Variants in CSMD2 observed in about 807,000 individuals in gnomAD.
CSMD2 encodes CUB and sushi domain-containing protein 2.
CSMD2 carries 130 observed loss-of-function variants against 398.5 expected under a neutral mutation model. The ratio of observed to expected loss-of-function variants is 0.33; its 90% CI spans 0.28 to 0.38. The LOEUF is 0.38. CSMD2 is among the 10% of genes least tolerant of loss of function. CSMD2 has a pLI of 1.00. For missense variants in CSMD2, 3,829 were observed against 4,764.9 expected (o/e 0.80, Z 5.78); for synonymous variants, 1,828 against 1,908.5 (o/e 0.96, Z 1.10).
intron 5 of CSMD2, chr1:33,878,169 G>T (rs1442131961): frequency 6.6e-6 from 1 of 152,232 alleles, no homozygotes; most frequent in Non-Finnish European, 1.5e-5. Flanking sequence ...TGATTCCTAA[G>T]CCAGGAGCCA....
chr1:33,750,190 T>C (rs969086143), intron 13 of CSMD2, among the ~76,000 whole-genome samples: 1 of 152,128 alleles, frequency 6.6e-6, no homozygotes, highest in African/African-American at 2.4e-5. Flanking sequence ...ATGGTACAAA[T>C]TTAACACAAT....
intron 2 of CSMD2, among the ~76,000 whole-genome samples, chr1:34,045,170 T>G (rs1041305193): frequency 3.3e-5 from 5 of 152,264 alleles, no homozygotes; most frequent in African/African-American, 9.6e-5. Flanking sequence ...AGGCTTTTTG[T>G]GCCTTTCTAT....
intron 62 of CSMD2, among the ~76,000 whole-genome samples, chr1:33,534,785 T>C (rs1447033861): frequency 1.2e-4 from 18 of 152,216 alleles, no homozygotes; most frequent in Non-Finnish European, 1.5e-4. Flanking sequence ...CCTTTATCCA[T>C]GCAGTTGTGC....
intron 5 of CSMD2, among the ~76,000 whole-genome samples, chr1:33,866,091 C>T (rs540188563): frequency 1.1e-4 from 16 of 152,340 alleles, no homozygotes; most frequent in African/African-American, 3.6e-4. Context: ...ACTTTCTACT[C>T]TACTGCGCTG....
At chr1:33,547,874 C>T (rs893871094) in intron 56 of CSMD2, among the ~76,000 whole-genome samples, 5 of 152,172 alleles carry the variant, frequency 3.3e-5, no homozygotes, top group African/African-American at 7.2e-5. Flanking sequence ...AGATGGTTAA[C>T]GTGGTTTGGC....
intron 22 of CSMD2, among the ~76,000 whole-genome samples, chr1:33,704,866 C>A (rs982226188): frequency 2.0e-5 from 3 of 152,026 alleles, no homozygotes; most frequent in African/African-American, 7.2e-5. Context: ...AGGTTCACGC[C>A]ATTCTCCTGC....
At chr1:33,727,341 G>A (rs1172248961) in intron 15 of CSMD2, among the ~76,000 whole-genome samples, 1 of 152,192 alleles carries the variant, frequency 6.6e-6, no homozygotes, top group East Asian at 1.9e-4. Flanking sequence ...CTCTGGTCTT[G>A]CAAAGTCTGT....
chr1:33,546,858 C>T (rs1231523116), intron 56 of CSMD2, among the ~76,000 whole-genome samples: 2 of 151,834 alleles, frequency 1.3e-5, no homozygotes, highest in Non-Finnish European at 2.9e-5. Context: ...TGATCTTGGG[C>T]ATTTATTTAT....
intron 2 of CSMD2, among the ~76,000 whole-genome samples, chr1:34,051,935 TG>T (rs1653217163): frequency 2.0e-5 from 3 of 152,094 alleles, no homozygotes; most frequent in Non-Finnish European, 2.9e-5. Context: ...CCCTCACTAA[TG>T]GGGGTGGGGG....
Position 33,620,175 on chromosome 1 carries a change from T to G in CSMD2, c.5827+1992A>C, listed in dbSNP as rs149102048. The stretch of plus-strand genomic sequence containing the variant: ...AAAATTATTTTTTATCATATGTAAT[T>G]TATTACTTTTGAAAGCATATTGCTC... On this transcript the variant is annotated intron_variant, in intron 37 of 70. Coordinates refer to ENST00000373381, the MANE Select transcript of CSMD2 (RefSeq NM_001281956.2). Among the ~76,000 whole-genome samples the G allele has an allele frequency of 5.0e-3, 767 of 152,360 alleles. 7 individuals carry two copies. The highest frequency in any genetic ancestry group is 0.017 in the African/African-American group (724 of 41,574).
intron 21 of CSMD2, 28 bp from the exon 22 acceptor site, chr1:33,709,286 A>T (rs773031564): frequency 6.3e-7 from 1 of 1,595,344 alleles, no homozygotes; most frequent in Non-Finnish European, 8.6e-7. Flanking sequence ...ATAACCATAG[A>T]TTAACCCCCA....
chr1:34,093,058 T>G (rs1658829252), intron 1 of CSMD2, among the ~76,000 whole-genome samples: 1 of 152,164 alleles, frequency 6.6e-6, no homozygotes, highest in Non-Finnish European at 1.5e-5. Flanking sequence ...CAGCTGGAGA[T>G]CTGAGAACTG....
In CSMD2 at chr1:33,608,296, C is replaced by T. The variant is rs1640767061; in HGVS notation, c.6343+2745G>A. On this transcript the variant is annotated intron_variant, in intron 41 of 70. Transcript: ENST00000373381. ...CGGGGAGCACAGCGAGTGGCTGGTCCCATCACAGGGATTCAGTGGCAGGAC... is the reference window on the plus strand; with the variant it reads ...CGGGGAGCACAGCGAGTGGCTGGTCTCATCACAGGGATTCAGTGGCAGGAC... Among the ~76,000 whole-genome samples, 7 of 152,298 alleles carry T rather than the reference C, an allele frequency of 4.6e-5. No homozygotes were observed. The South Asian group carries it at 1.2e-3, about 27-fold the overall frequency.
chr1:33,849,930 C>T (rs1167312975), intron 5 of CSMD2, among the ~76,000 whole-genome samples: 1 of 151,936 alleles, frequency 6.6e-6, no homozygotes, highest in Non-Finnish European at 1.5e-5. Flanking sequence ...GGGTAAAAGA[C>T]CTTATTATAG....
Position 33,622,268 on chromosome 1 carries a change from G to C in CSMD2, c.5726C>G (p.Thr1909Arg), listed in dbSNP as rs759391621. 2 of 1,612,906 alleles carry C rather than the reference G, an allele frequency of 1.2e-6. No homozygotes were observed. Among genetic ancestry groups the C allele is most frequent in the Non-Finnish European group, 8.5e-7 (1 of 1,178,910 alleles). ...TVTMLGSFSG[T>R]TVPALLNSTS... is the part of the protein sequence containing the mutation. ...GCTGTTCAGAAGGGCAGGCACGGTT[G>C]TTCCTAGGGCAAGGACACCAGGGAA... Residue 1909 changes from threonine (T) to arginine (R), a missense_variant, in exon 37 of 71, where the codon ACA (threonine) becomes AGA (arginine). Physicochemically the swap from Thr to Arg is moderately conservative, Grantham distance 71. Transcript: ENST00000373381.
chr1:33,758,510 C>T (rs140980296), intron 13 of CSMD2, among the ~76,000 whole-genome samples: 11 of 152,296 alleles, frequency 7.2e-5, no homozygotes, highest in African/African-American at 2.4e-4. Context: ...TAGGAAAATA[C>T]TACAAAGAAT....
intron 5 of CSMD2, among the ~76,000 whole-genome samples, chr1:33,900,535 G>C (rs1303947402): frequency 6.6e-6 from 1 of 152,214 alleles, no homozygotes; most frequent in Non-Finnish European, 1.5e-5. Flanking sequence ...CCAACACTTT[G>C]GGAGGCCATG....
In CSMD2 at chr1:33,772,665, T is replaced by C. The variant is rs752689498; in HGVS notation, c.1750A>G (p.Lys584Glu). ...GSRFHHGDTL[K>E]FECQPAFELV... Reference sequence around the variant, plus strand: ...TCAAAGGCGGGCTGGCACTCAAACTTGAGTGTGTCACCGTGGTGAAACCGG... The same window carrying C: ...TCAAAGGCGGGCTGGCACTCAAACTCGAGTGTGTCACCGTGGTGAAACCGG... Residue 584 changes from lysine to glutamate, a missense_variant, in exon 13 of 71, where the codon AAG becomes GAG. Lys to Glu is a moderately conservative substitution (Grantham distance 56, BLOSUM62 1). Transcript: ENST00000373381. 29 of 1,613,908 alleles carry C rather than the reference T, an allele frequency of 1.8e-5. No individual in the cohort carries two copies. In the South Asian group the frequency reaches 2.5e-4, roughly 14 times the overall value.
intron 25 of CSMD2, among the ~76,000 whole-genome samples, chr1:33,663,492 TAA>T (rs112583544): frequency 3.5e-5 from 5 of 142,250 alleles, no homozygotes; most frequent in African/African-American, 1.0e-4. Context: ...AGGATATAGG[TAA>T]AAAAAAAAAA....
Sources: gnomAD v4.1 joint callset for allele counts (sites outside exome capture counted in the v4.1 genomes callset) on GRCh38, gnomAD v4.1.1 for gene constraint, MANE v1.5 for transcripts, NCBI Gene and HGNC (gene_info 2026-07-23, HGNC 2026-07-21) for gene names.